The following PEAK1 variants were observed in gnomAD, a reference collection of about 807,000 sequenced individuals.
The protein encoded by PEAK1 is pseudopodium enriched atypical kinase 1.
Under a neutral mutation model 124.7 loss-of-function variants are expected in PEAK1, and 54 were observed. The observed-to-expected ratio is 0.43, with a 90% CI of 0.35 to 0.54. PEAK1 has a LOEUF of 0.54. Among genes scored for constraint, PEAK1 ranks in the 20% least tolerant of loss-of-function variants. The pLI is 0.01. For missense variants in PEAK1, 2,046 were observed against 2,134.5 expected (o/e 0.96, Z 0.82); for synonymous variants, 719 against 760.0 (o/e 0.95, Z 0.89).
chr15:77,225,384 C>T (rs1042907555), intron 6 of PEAK1, among the ~76,000 whole-genome samples: 1 of 151,888 alleles, frequency 6.6e-6, no homozygotes. Context: ...CTATATATAG[C>T]AGACAATTTA....
At chr15:77,232,231 C>T (rs770075956) in intron 6 of PEAK1, among the ~76,000 whole-genome samples, 8 of 152,076 alleles carry the variant, frequency 5.3e-5, no homozygotes, top group Non-Finnish European at 7.4e-5. Context: ...CTTGACTCTC[C>T]TTCCCTGTCT....
intron 6 of PEAK1, among the ~76,000 whole-genome samples, chr15:77,209,294 T>A (rs918371399): frequency 6.6e-6 from 1 of 151,960 alleles, no homozygotes; most frequent in African/African-American, 2.4e-5. Context: ...AACGGAGATT[T>A]TCAAAGTAAC....
At chr15:77,404,536 CCTG>C (rs1233595380) in intron 1 of PEAK1, 7 of 620,622 alleles carry the variant, frequency 1.1e-5, no homozygotes, top group Non-Finnish European at 1.4e-5. Context: ...ATTAATTTCA[CCTG>C]CTTTTTTGTA....
At chr15:77,291,893 C>T (rs1334664572) in intron 2 of PEAK1, among the ~76,000 whole-genome samples, 2 of 149,302 alleles carry the variant, frequency 1.3e-5, no homozygotes, top group African/African-American at 2.5e-5. Context: ...AGGAGAATGG[C>T]GTGAACCCAG....
chr15:77,362,947 CT>C (rs2067992311), intron 2 of PEAK1, among the ~76,000 whole-genome samples: 2 of 152,146 alleles, frequency 1.3e-5, no homozygotes, highest in African/African-American at 4.8e-5. Flanking sequence ...CCTCCGCCTC[CT>C]GGGTTCAAGC....
intron 2 of PEAK1, among the ~76,000 whole-genome samples, chr15:77,360,186 A>T (rs1199993095): frequency 6.6e-6 from 1 of 152,234 alleles, no homozygotes; most frequent in Non-Finnish European, 1.5e-5. Context: ...GGATATCTAC[A>T]TACAAATGAA....
chr15:77,331,756 T>C (rs930359332), intron 2 of PEAK1, among the ~76,000 whole-genome samples: 2 of 151,944 alleles, frequency 1.3e-5, no homozygotes, highest in African/African-American at 4.8e-5. Flanking sequence ...AGCGTGGGAC[T>C]ACAGGCTCGT....
In PEAK1 at chr15:77,167,483, A is replaced by C. The variant is rs575577577; in HGVS notation, c.3138-8787T>G. Among the ~76,000 whole-genome samples, 4 of 152,354 alleles carry C rather than the reference A, an allele frequency of 2.6e-5. No individual in the cohort carries two copies. The East Asian group carries it at 7.7e-4, about 29-fold the overall frequency. On this transcript the variant is annotated intron_variant, in intron 7 of 9. Transcript: ENST00000682557. Reference sequence around the variant, plus strand: ...TTAAAAATTTAACAGTAAGGACTTCATGAACTCATCTTAACTTTAGGAAAA... The same window carrying C: ...TTAAAAATTTAACAGTAAGGACTTCCTGAACTCATCTTAACTTTAGGAAAA...
At chr15:77,287,345 G>A (rs532196919) in intron 2 of PEAK1, among the ~76,000 whole-genome samples, 1 of 152,296 alleles carries the variant, frequency 6.6e-6, no homozygotes, top group Admixed American at 6.5e-5. Context: ...TAATGAAAAT[G>A]GATAAAATAT....
intron 6 of PEAK1, among the ~76,000 whole-genome samples, chr15:77,189,779 C>T (rs1162018103): frequency 6.6e-6 from 1 of 152,190 alleles, no homozygotes; most frequent in East Asian, 1.9e-4. Flanking sequence ...ATGTTGCTAT[C>T]AGTCACCTTG....
chr15:77,265,642 T>C (rs1236825941), intron 5 of PEAK1, among the ~76,000 whole-genome samples: 1 of 151,794 alleles, frequency 6.6e-6, no homozygotes, highest in African/African-American at 2.4e-5. Context: ...ATAGGAACAC[T>C]TTTACACTGT....
intron 7 of PEAK1, among the ~76,000 whole-genome samples, chr15:77,162,900 A>T (rs1026459129): frequency 6.6e-6 from 1 of 152,256 alleles, no homozygotes; most frequent in African/African-American, 2.4e-5. Context: ...AATGGCAAAT[A>T]ATGACCAGTG....
intron 6 of PEAK1, chr15:77,205,074 A>G: frequency 4.5e-6 from 1 of 220,144 alleles, no homozygotes; most frequent in Non-Finnish European, 9.2e-6. Flanking sequence ...TGATGAAGCC[A>G]GAGAGAAAGA....
chr15:77,342,753 T>C (rs955289921), intron 2 of PEAK1, among the ~76,000 whole-genome samples: 1 of 152,186 alleles, frequency 6.6e-6, no homozygotes, highest in African/African-American at 2.4e-5. Context: ...TAGCATAATG[T>C]CTTCAAGTTC....
At chr15:77,333,017 G>A (rs867935310) in intron 2 of PEAK1, 1 of 932,180 alleles carries the variant, frequency 1.1e-6, no homozygotes, top group Non-Finnish European at 1.3e-6. Context: ...TGACTTATAA[G>A]TGCTCTTCAT....
intron 2 of PEAK1, among the ~76,000 whole-genome samples, chr15:77,288,717 C>T (rs896106538): frequency 2.0e-5 from 3 of 151,970 alleles, no homozygotes; most frequent in African/African-American, 4.8e-5. Flanking sequence ...CCGAGGCAGG[C>T]GGATCACGAA....
chr15:77,299,576 T>A (rs910048982), intron 2 of PEAK1, among the ~76,000 whole-genome samples: 20 of 152,226 alleles, frequency 1.3e-4, no homozygotes, highest in African/African-American at 4.8e-4. Context: ...GTGTCTAGTC[T>A]CTTTAAATCT....
intron 2 of PEAK1, among the ~76,000 whole-genome samples, chr15:77,323,289 C>T (rs1353414289): frequency 6.6e-6 from 1 of 151,620 alleles, no homozygotes; most frequent in African/African-American, 2.4e-5. Context: ...CCAGGGCAAT[C>T]AGGCAGGAGA....
At chr15:77,300,023 C>T (rs550978888) in intron 2 of PEAK1, among the ~76,000 whole-genome samples, 1 of 152,200 alleles carries the variant, frequency 6.6e-6, no homozygotes, top group Admixed American at 6.5e-5. Flanking sequence ...ATTCTTCGAG[C>T]TCTACTTTAC....
Sources: gnomAD v4.1 joint callset for allele counts (sites outside exome capture counted in the v4.1 genomes callset) on GRCh38, gnomAD v4.1.1 for gene constraint, MANE v1.5 for transcripts, NCBI Gene and HGNC (gene_info 2026-07-23, HGNC 2026-07-21) for gene names.